The following FGF14 variants were observed in gnomAD, a reference collection of about 807,000 sequenced individuals.
The protein encoded by FGF14 is fibroblast growth factor homologous factor 4.
In FGF14, 5 loss-of-function variants were observed where a neutral mutation model predicts 25.5. The observed-to-expected ratio is 0.20, with a 90% CI of 0.10 to 0.41. FGF14 has a LOEUF of 0.41. FGF14 is among the 10% of genes least tolerant of loss of function. The probability of loss-of-function intolerance (pLI) is 1.00; values close to 1 mark genes in which losing one functional copy is unlikely to be tolerated. For synonymous variants in FGF14, 138 were observed against 118.3 expected, an observed-to-expected ratio of 1.17 and a Z score of -1.08; for missense variants, 222 against 320.1, an observed-to-expected ratio of 0.69 and a Z score of 2.34.
intron 1 of FGF14, among the ~76,000 whole-genome samples, chr13:102,316,387 G>T (rs553788658): frequency 1.8e-4 from 27 of 152,208 alleles, no homozygotes; most frequent in African/African-American, 6.5e-4. Flanking sequence ...ATGTTAATTC[G>T]CTCGCCTGAA....
Position 102,106,164 on chromosome 13 carries a change from T to G in FGF14, c.209-230868A>C, listed in dbSNP as rs1202763210. On this transcript the variant is annotated intron_variant, in intron 1 of 4. Transcript: ENST00000376131. The stretch of plus-strand genomic sequence containing the variant: ...AAAATAAAATTTAGTTTGAATATTT[T>G]TATGTGCAGTAAGTCAATGTAGTGC... 2.0e-5 allele frequency among the ~76,000 whole-genome samples: 3 copies of G among 152,222 alleles called. No homozygotes were observed. In the East Asian group the frequency reaches 5.8e-4, roughly 29 times the overall value.
chr13:101,878,826 CAT>C (rs1333355839), intron 1 of FGF14, among the ~76,000 whole-genome samples: 4 of 151,888 alleles, frequency 2.6e-5, no homozygotes, highest in Non-Finnish European at 4.4e-5. Flanking sequence ...GTAAGACAAA[CAT>C]GTATTAATGT....
chr13:102,312,895 C>G lies in FGF14; in HGVS notation c.208+88576G>C, dbSNP rs1448862588. ...ACTCCGTCCACAGCCCCAGATATCC[C>G]TTTCAGTCCAGAGCTCGGCAGGTAC... is the stretch of plus-strand genomic sequence containing the variant. On this transcript the variant is annotated intron_variant, in intron 1 of 4. Coordinates refer to the FGF14 transcript ENST00000376131. 2.6e-5 allele frequency among the ~76,000 whole-genome samples: 4 copies of G among 152,202 alleles called. No individual in the cohort carries two copies. In the East Asian group the frequency reaches 7.7e-4, roughly 29 times the overall value.
At chr13:101,750,950 C>T (rs1016017442) in intron 3 of FGF14, among the ~76,000 whole-genome samples, 4 of 152,030 alleles carry the variant, frequency 2.6e-5, no homozygotes, top group South Asian at 4.1e-4. Context: ...ATACACTATA[C>T]GATTCCAACT....
intron 1 of FGF14, among the ~76,000 whole-genome samples, chr13:102,101,335 C>G (rs937789250): frequency 6.6e-6 from 1 of 152,206 alleles, no homozygotes; most frequent in African/African-American, 2.4e-5. Flanking sequence ...TACATACATA[C>G]CTGGGCCTTC....
chr13:102,068,287 G>A (rs989353883), intron 1 of FGF14, among the ~76,000 whole-genome samples: 4 of 152,226 alleles, frequency 2.6e-5, no homozygotes, highest in Non-Finnish European at 4.4e-5. Flanking sequence ...GGCTGGGCAC[G>A]ATGGTGAGAG....
At chr13:102,211,247 T>C (rs901128661) in intron 1 of FGF14, among the ~76,000 whole-genome samples, 7 of 152,166 alleles carry the variant, frequency 4.6e-5, no homozygotes, top group African/African-American at 1.7e-4. Context: ...GGTCAGTCTC[T>C]TAAATCCCTA....
At chr13:102,164,409 C>T (rs144538521) in intron 1 of FGF14, among the ~76,000 whole-genome samples, 1 of 152,226 alleles carries the variant, frequency 6.6e-6, no homozygotes, top group East Asian at 1.9e-4. Flanking sequence ...AGAGACCTTG[C>T]GACCATGCCA....
intron 1 of FGF14, among the ~76,000 whole-genome samples, chr13:102,232,921 A>G (rs976800089): frequency 2.0e-5 from 3 of 152,162 alleles, no homozygotes; most frequent in African/African-American, 7.2e-5. Flanking sequence ...AGAGGCTTTA[A>G]CCAAATTATA....
intron 1 of FGF14, among the ~76,000 whole-genome samples, chr13:102,356,948 T>TATAC (rs1262647370): frequency 4.3e-4 from 64 of 148,500 alleles, no homozygotes; most frequent in Non-Finnish European, 6.3e-4. Context: ...TATATATATA[T>TATAC]ACACACAAAC....
chr13:101,973,119 C>CATTT (rs77590228), intron 1 of FGF14, among the ~76,000 whole-genome samples: 8 of 127,506 alleles, frequency 6.3e-5, no homozygotes, highest in Non-Finnish European at 5.2e-5. Context: ...AAGTGTGCTT[C>CATTT]TTTTTTTTTT....
chr13:102,134,689 G>A (rs911079428), intron 1 of FGF14, among the ~76,000 whole-genome samples: 1 of 152,112 alleles, frequency 6.6e-6, no homozygotes, highest in African/African-American at 2.4e-5. Flanking sequence ...AATGACCAGC[G>A]TGTTCCTTAT....
chr13:102,212,332 T>G (rs2050195868), intron 1 of FGF14, among the ~76,000 whole-genome samples: 1 of 152,188 alleles, frequency 6.6e-6, no homozygotes, highest in Non-Finnish European at 1.5e-5. Flanking sequence ...ATCACACAAA[T>G]TCATCGAACA....
intron 1 of FGF14, among the ~76,000 whole-genome samples, chr13:101,981,279 C>CA (rs1379033694): frequency 6.6e-6 from 1 of 150,860 alleles, no homozygotes; most frequent in Non-Finnish European, 1.5e-5. Context: ...GATTCTGTCT[C>CA]AAAAAAATAA....
At chr13:101,932,278 C>T (rs2034803603) in intron 1 of FGF14, among the ~76,000 whole-genome samples, 1 of 151,892 alleles carries the variant, frequency 6.6e-6, no homozygotes. Context: ...GCCTGTGATC[C>T]CAGCACTTTG....
intron 1 of FGF14, among the ~76,000 whole-genome samples, chr13:102,193,556 C>T (rs1480298201): frequency 6.6e-6 from 1 of 152,120 alleles, no homozygotes; most frequent in East Asian, 1.9e-4. Context: ...TTTTCAACTG[C>T]CTACCAGTAA....
intron 1 of FGF14, chr13:102,366,690 A>T (rs745772741): frequency 1.6e-4 from 24 of 152,052 alleles, no homozygotes; most frequent in Non-Finnish European, 2.2e-4. Context: ...AACTCTTAAT[A>T]AAAATGTACT....
chr13:102,105,177 T>C (rs1295363267), intron 1 of FGF14, among the ~76,000 whole-genome samples: 1 of 152,156 alleles, frequency 6.6e-6, no homozygotes, highest in Admixed American at 6.5e-5. Flanking sequence ...AAACTAATGA[T>C]TGTGTTCTGA....
intron 3 of FGF14, among the ~76,000 whole-genome samples, chr13:101,867,629 G>A (rs2044783980): frequency 6.6e-6 from 1 of 152,104 alleles, no homozygotes; most frequent in Non-Finnish European, 1.5e-5. Flanking sequence ...GGAGCATAGG[G>A]AATTCTAGCT....
Sources: allele counts gnomAD v4.1 joint callset (sites outside exome capture counted in the v4.1 genomes callset), GRCh38; gene constraint gnomAD v4.1.1; transcripts MANE v1.5; gene names NCBI Gene and HGNC (gene_info 2026-07-23, HGNC 2026-07-21).